STARD13: variants seen among roughly 807,000 people sequenced by gnomAD.
The protein encoded by STARD13 is StAR related lipid transfer domain containing 13.
A neutral mutation model predicts 106.4 loss-of-function variants in STARD13; 62 were observed. That is an observed-to-expected ratio of 0.58 (90% CI 0.48 to 0.72). The LOEUF is 0.72. Ranked by LOEUF, STARD13 falls within the 30% of genes least tolerant of loss-of-function variation. STARD13 has a pLI of 0.00. For synonymous variants in STARD13, 565 were observed against 553.0 expected (o/e 1.02, Z -0.31); for missense variants, 1,387 against 1,424.0 (o/e 0.97, Z 0.42).
At chr13:33,399,379 C>T in the STARD13 span, among the ~76,000 whole-genome samples, 14 of 152,128 alleles carry the variant, frequency 9.2e-5, no homozygotes, top group South Asian at 2.5e-3. Context: ...CTTTTTTAAA[C>T]ATTTAATGAT....
chr13:33,610,920 A>G, the STARD13 span: 1 of 152,248 alleles, frequency 6.6e-6, no homozygotes, highest in Non-Finnish European at 1.5e-5. Flanking sequence ...ATGGAAGGGC[A>G]CAGTGGTGGC....
the STARD13 span, among the ~76,000 whole-genome samples, chr13:33,440,908 G>A: frequency 0.066 from 9,943 of 150,544 alleles, 737 homozygotes; most frequent in African/African-American, 0.19. Context: ...GAGCCACCGT[G>A]ACTGGCCAAG....
the STARD13 span, among the ~76,000 whole-genome samples, chr13:33,372,946 CAG>C: frequency 7.1e-4 from 108 of 152,234 alleles, no homozygotes; most frequent in Admixed American, 1.7e-3. Context: ...TTAAGACCAA[CAG>C]GGGTCATGCT....
chr13:33,662,044 C>T, the STARD13 span, among the ~76,000 whole-genome samples: 19 of 151,896 alleles, frequency 1.3e-4, no homozygotes, highest in Non-Finnish European at 4.4e-5. Context: ...GGGCGGATCA[C>T]GAGGTCAGGA....
chr13:33,224,781 AAAC>A (rs1460186001), intron 1 of STARD13, among the ~76,000 whole-genome samples: 1 of 152,240 alleles, frequency 6.6e-6, no homozygotes, highest in Non-Finnish European at 1.5e-5. Flanking sequence ...TTCCTTCAGA[AAAC>A]AACATCAGCA....
chr13:33,258,202 G>T (rs2138311922), intron 1 of STARD13, among the ~76,000 whole-genome samples: 1 of 152,280 alleles, frequency 6.6e-6, no homozygotes, highest in African/African-American at 2.4e-5. Flanking sequence ...CAATGATTCT[G>T]GTTGCCATGG....
At chr13:33,384,395 T>C in the STARD13 span, among the ~76,000 whole-genome samples, 2 of 152,210 alleles carry the variant, frequency 1.3e-5, no homozygotes, top group African/African-American at 4.8e-5. Context: ...AACCACTCAG[T>C]AGGGTTTGTT....
At chr13:33,523,656 G>T in the STARD13 span, among the ~76,000 whole-genome samples, 2 of 152,002 alleles carry the variant, frequency 1.3e-5, no homozygotes, top group African/African-American at 4.8e-5. Context: ...GTTGTAAAAC[G>T]TCTATAGAAA....
At chr13:33,524,923 C>T in the STARD13 span, among the ~76,000 whole-genome samples, 1 of 152,034 alleles carries the variant, frequency 6.6e-6, no homozygotes, top group Admixed American at 6.6e-5. Flanking sequence ...ATTGTAGTCA[C>T]CAGGTTGTGC....
At chr13:33,278,223 G>A (rs1891558193) in intron 1 of STARD13, among the ~76,000 whole-genome samples, 1 of 152,164 alleles carries the variant, frequency 6.6e-6, no homozygotes, top group African/African-American at 2.4e-5. Flanking sequence ...CCTTTCATAA[G>A]TCTGAATTTC....
At chr13:33,631,137 T>C in the STARD13 span, among the ~76,000 whole-genome samples, 3 of 152,204 alleles carry the variant, frequency 2.0e-5, no homozygotes. Context: ...CACAGTTTTA[T>C]GAGCTTACAA....
chr13:33,665,313 G>T, the STARD13 span, among the ~76,000 whole-genome samples: 1 of 152,098 alleles, frequency 6.6e-6, no homozygotes, highest in Non-Finnish European at 1.5e-5. Flanking sequence ...TTCTGAAGAA[G>T]TATTTAATTA....
At position 33,115,046 on chromosome 13, in the gene STARD13, C is replaced by G. The variant is rs148397469; in HGVS notation, c.2282-2115G>C. Among the ~76,000 whole-genome samples, 254 of 152,156 alleles carry G rather than the reference C, an allele frequency of 1.7e-3. 2 individuals carry two copies. Among genetic ancestry groups the G allele is most frequent in the Middle Eastern group, 6.8e-3 (2 of 294 alleles). On this transcript the variant is annotated intron_variant, in intron 8 of 13. Coordinates refer to ENST00000336934, the MANE Select transcript of STARD13 (RefSeq NM_178006.4). ...CCTCAAATTCAGATTCCTGTGGATTCTGAACCCTTCTCCCCTCCAATTTCC... is the reference window on the plus strand; with the variant it reads ...CCTCAAATTCAGATTCCTGTGGATTGTGAACCCTTCTCCCCTCCAATTTCC...
At chr13:33,118,832 A>G (rs1203550734) in intron 7 of STARD13, among the ~76,000 whole-genome samples, 1 of 152,246 alleles carries the variant, frequency 6.6e-6, no homozygotes, top group African/African-American at 2.4e-5. Flanking sequence ...TATCATAAGT[A>G]CATATTTTGA....
chr13:33,170,512 G>A (rs564004314), intron 1 of STARD13, among the ~76,000 whole-genome samples: 1 of 152,218 alleles, frequency 6.6e-6, no homozygotes, highest in African/African-American at 2.4e-5. Context: ...ATTTTAACCA[G>A]AACCCAGATA....
intron 1 of STARD13, among the ~76,000 whole-genome samples, chr13:33,197,896 C>T (rs150075552): frequency 2.1e-3 from 313 of 152,302 alleles, no homozygotes; most frequent in African/African-American, 7.0e-3. Context: ...TCAGGCCGGG[C>T]GCGGTGGCTC....
At chr13:33,248,657 G>C (rs1003908687) in intron 1 of STARD13, among the ~76,000 whole-genome samples, 6 of 151,812 alleles carry the variant, frequency 4.0e-5, no homozygotes, top group Non-Finnish European at 1.5e-5. Context: ...ATCTTCTTTT[G>C]TTTTGGTATT....
intron 1 of STARD13, among the ~76,000 whole-genome samples, chr13:33,333,214 A>G (rs1479490482): frequency 6.6e-6 from 1 of 151,746 alleles, no homozygotes; most frequent in East Asian, 1.9e-4. Flanking sequence ...ACATGATGAA[A>G]CCCCATCTCT....
chr13:33,616,689 A>G, the STARD13 span, among the ~76,000 whole-genome samples: 4 of 152,382 alleles, frequency 2.6e-5, no homozygotes, highest in Admixed American at 1.3e-4. Context: ...TAGGCTCTGA[A>G]GATACACTTC....
Sources: allele counts gnomAD v4.1 joint callset (sites outside exome capture counted in the v4.1 genomes callset), GRCh38; gene constraint gnomAD v4.1.1; transcripts MANE v1.5; gene names NCBI Gene and HGNC (gene_info 2026-07-23, HGNC 2026-07-21).